The following CORIN variants were observed in gnomAD, a reference collection of about 807,000 sequenced individuals.
CORIN encodes corin, serine peptidase, also known as atrial natriuretic peptide-converting enzyme.
CORIN carries 117 observed loss-of-function variants against 125.3 expected under a neutral mutation model. That is an observed-to-expected ratio of 0.93 (90% confidence interval 0.80 to 1.09). The LOEUF is 1.09. CORIN is among the 50% of genes least tolerant of loss of function. The probability of loss-of-function intolerance (pLI) is 0.00; values close to 1 mark genes in which losing one functional copy is unlikely to be tolerated. For missense variants in CORIN, 1,253 were observed against 1,306.7 expected (o/e 0.96, Z 0.63); for synonymous variants, 450 against 466.4 (o/e 0.96, Z 0.45).
At chr4:47,684,312 T>C (rs543560249) in intron 6 of CORIN, among the ~76,000 whole-genome samples, 6 of 152,322 alleles carry the variant, frequency 3.9e-5, no homozygotes, top group African/African-American at 1.4e-4. Context: ...CTTAAGTCAA[T>C]TGAGTGTTTC....
chr4:47,652,380 G>A (rs1577785263), intron 13 of CORIN, among the ~76,000 whole-genome samples: 1 of 152,146 alleles, frequency 6.6e-6, no homozygotes, highest in Non-Finnish European at 1.5e-5. Context: ...ATGGAGCAAC[G>A]CAATATTTCA....
chr4:47,650,177 AGAG>A (rs1320986830), intron 13 of CORIN, among the ~76,000 whole-genome samples: 1 of 152,222 alleles, frequency 6.6e-6, no homozygotes, highest in African/African-American at 2.4e-5. Context: ...TTTAAGATCA[AGAG>A]GAGACCAAAG....
intron 3 of CORIN, among the ~76,000 whole-genome samples, chr4:47,772,073 T>C (rs1372283000): frequency 1.8e-5 from 2 of 110,622 alleles, no homozygotes; most frequent in African/African-American, 6.9e-5. Context: ...AGCTTTCACA[T>C]TACATAGATA....
rs1721175662 is a variant in CORIN at position 47,594,473 on chromosome 4, C to T, written c.*1248G>A. ...TTTTAGTGGGGAAAAATACTTTTTACCACTAATTGCTTCAGAAATTGAGTT... is the reference window on the plus strand; with the variant it reads ...TTTTAGTGGGGAAAAATACTTTTTATCACTAATTGCTTCAGAAATTGAGTT... On this transcript the variant is annotated 3_prime_UTR_variant, in exon 22 of 22. Transcript: ENST00000273857. 6.6e-6 allele frequency: 1 copy of T among 152,426 alleles called. No individual in the cohort carries two copies. The highest frequency in any genetic ancestry group is 1.5e-5 in the Non-Finnish European group (1 of 67,980). The allele number at this position is 152,426 out of a possible 1,614,324, so 9.4% of individuals were successfully genotyped here.
intron 19 of CORIN, among the ~76,000 whole-genome samples, chr4:47,613,908 C>T (rs897031302): frequency 3.3e-5 from 5 of 149,930 alleles, no homozygotes; most frequent in Non-Finnish European, 5.9e-5. Flanking sequence ...TGTACACGTA[C>T]GTAACTAACC....
chr4:47,760,085 T>A (rs549140551), intron 4 of CORIN, among the ~76,000 whole-genome samples: 2 of 152,322 alleles, frequency 1.3e-5, no homozygotes, highest in East Asian at 3.9e-4. Context: ...CCCAGATCCA[T>A]TAGAGAAATC....
At chr4:47,750,487 C>A (rs114155070) in intron 4 of CORIN, among the ~76,000 whole-genome samples, 1 of 152,114 alleles carries the variant, frequency 6.6e-6, no homozygotes, top group South Asian at 2.1e-4. Context: ...GGGCTCTGAT[C>A]ACCTACAGAA....
chr4:47,646,758 A>G (rs1455768211), intron 13 of CORIN, among the ~76,000 whole-genome samples: 1 of 152,212 alleles, frequency 6.6e-6, no homozygotes, highest in African/African-American at 2.4e-5. Flanking sequence ...TCTCAGGAAA[A>G]TATAATTTAT....
chr4:47,632,782 TAGA>T (rs771104196), intron 16 of CORIN, among the ~76,000 whole-genome samples: 1,163 of 94,530 alleles, frequency 0.012, 10 homozygotes, highest in Middle Eastern at 0.021. Flanking sequence ...GATAGTTAGA[TAGA>T]TTTTTTTTTT....
chr4:47,774,421 T>A (rs2109893400), intron 3 of CORIN, among the ~76,000 whole-genome samples: 1 of 152,292 alleles, frequency 6.6e-6, no homozygotes, highest in South Asian at 2.1e-4. Context: ...TTGGTATGAT[T>A]TTTTCCTTCT....
intron 5 of CORIN, among the ~76,000 whole-genome samples, chr4:47,712,976 G>C (rs1049341402): frequency 6.6e-6 from 1 of 152,110 alleles, no homozygotes. Flanking sequence ...GAAGAAATAA[G>C]TTTTGCTTTT....
chr4:47,725,820 G>C (rs1727566295), intron 5 of CORIN, among the ~76,000 whole-genome samples: 1 of 151,896 alleles, frequency 6.6e-6, no homozygotes, highest in African/African-American at 2.4e-5. Context: ...TACAGAGAGT[G>C]GGAAAATATT....
intron 4 of CORIN, 66 bp downstream of exon 4, chr4:47,763,313 T>G: frequency 7.8e-7 from 1 of 1,284,156 alleles, no homozygotes; most frequent in Non-Finnish European, 1.1e-6. Flanking sequence ...TGGATAATTT[T>G]TTTTCTCCTA....
At chr4:47,698,012 T>A (rs1726103201) in intron 5 of CORIN, among the ~76,000 whole-genome samples, 1 of 151,780 alleles carries the variant, frequency 6.6e-6, no homozygotes. Context: ...TCTGTATTAT[T>A]ACAGAATAAC....
intron 3 of CORIN, among the ~76,000 whole-genome samples, chr4:47,782,626 A>G (rs979236368): frequency 1.3e-5 from 2 of 152,202 alleles, no homozygotes; most frequent in South Asian, 2.1e-4. Flanking sequence ...TAATAGTTTT[A>G]AAAAATGTAT....
At chr4:47,732,676 G>C (rs1727929981) in intron 5 of CORIN, among the ~76,000 whole-genome samples, 1 of 151,028 alleles carries the variant, frequency 6.6e-6, no homozygotes, top group Admixed American at 6.6e-5. Context: ...CAATTCTCCT[G>C]CCTCAGCCTC....
chr4:47,630,788 C>G (rs1441839445), intron 16 of CORIN, among the ~76,000 whole-genome samples: 1 of 152,198 alleles, frequency 6.6e-6, no homozygotes, highest in Admixed American at 6.5e-5. Flanking sequence ...ATCAGAATCA[C>G]CTGGAGGACC....
chr4:47,653,135 T>G (rs980543420), intron 13 of CORIN, among the ~76,000 whole-genome samples: 5 of 152,226 alleles, frequency 3.3e-5, no homozygotes, highest in African/African-American at 1.2e-4. Flanking sequence ...TTTCTTTCAG[T>G]ACATTGTTAT....
intron 10 of CORIN, among the ~76,000 whole-genome samples, chr4:47,674,088 A>G (rs532178219): frequency 1.3e-5 from 2 of 152,358 alleles, no homozygotes; most frequent in South Asian, 4.1e-4. Flanking sequence ...GAAAGATAGC[A>G]TCTGCCTACA....
Sources: allele counts gnomAD v4.1 joint callset (sites outside exome capture counted in the v4.1 genomes callset), GRCh38; gene constraint gnomAD v4.1.1; transcripts MANE v1.5; gene names NCBI Gene and HGNC (gene_info 2026-07-23, HGNC 2026-07-21).